The following RGS6 variants were observed in gnomAD, a reference collection of about 807,000 sequenced individuals.
The protein encoded by RGS6 is regulator of G-protein signaling 6.
In RGS6, 30 loss-of-function variants were observed where a neutral mutation model predicts 78.5. That is an observed-to-expected ratio of 0.38 (90% CI 0.29 to 0.52). RGS6 has a LOEUF of 0.52. Among genes scored for constraint, RGS6 ranks in the 20% least tolerant of loss-of-function variants. RGS6 has a pLI of 0.85. For synonymous variants in RGS6, 206 were observed against 206.0 expected (o/e 1.00, Z 0.00); for missense variants, 495 against 609.7 (o/e 0.81, Z 1.98).
At chr14:72,350,148 A>AT (rs2078845279) in intron 2 of RGS6, among the ~76,000 whole-genome samples, 2 of 152,122 alleles carry the variant, frequency 1.3e-5, no homozygotes, top group South Asian at 4.1e-4. Flanking sequence ...TCAGAGAATG[A>AT]TTGTCTTTTC....
At chr14:71,934,763 G>A (rs1197183323) in intron 1 of RGS6, among the ~76,000 whole-genome samples, 1 of 152,076 alleles carries the variant, frequency 6.6e-6, no homozygotes, top group Non-Finnish European at 1.5e-5. Context: ...TTGTCTACAG[G>A]GACATAATTT....
In RGS6 at chr14:71,980,588, C is replaced by T. The variant is rs1399951175; in HGVS notation, c.84+15713C>T. On this transcript the variant is annotated intron_variant, in intron 2 of 17. Transcript: ENST00000553525. ...TTTCTTTAAGAATGTTGAATATTGG[C>T]CCCCACTCTCTTCTGGCTTGTAGGG... Among the ~76,000 whole-genome samples the T allele has an allele frequency of 2.2e-4, 16 of 71,730 alleles. 3 individuals are homozygous for T. Among genetic ancestry groups the T allele is most frequent in the Admixed American group, 1.5e-3 (11 of 7,562 alleles). 47.1% of individuals were successfully genotyped at this position (71,730 alleles called of 152,430 possible).
intron 3 of RGS6, among the ~76,000 whole-genome samples, chr14:72,387,498 G>C (rs564041621): frequency 6.6e-6 from 1 of 151,284 alleles, no homozygotes; most frequent in Non-Finnish European, 1.5e-5. Flanking sequence ...GCAGTGAGCC[G>C]AGATCGCACC....
chr14:71,894,107 G>A, the RGS6 span, among the ~76,000 whole-genome samples: 1 of 152,080 alleles, frequency 6.6e-6, no homozygotes, highest in Non-Finnish European at 1.5e-5. Context: ...TTGATATAGA[G>A]GCATCTGTTT....
At chr14:72,476,708 G>A (rs377242907) in intron 10 of RGS6, 34 bp from the exon 11 acceptor site, 1 of 1,594,684 alleles carries the variant, frequency 6.3e-7, no homozygotes, top group Non-Finnish European at 8.6e-7. Flanking sequence ...AATTCTGTGG[G>A]TGGATGATCC....
rs578179083 is a variant in RGS6, at chr14:72,525,710, A to G, written c.1278+7173A>G. ...CTGTTCATCTTTGCTCCAGTGGTGG[A>G]GGTGGCGGCATTGCGTGCCAGTATC... On this transcript the variant is annotated intron_variant, in intron 15 of 17. Coordinates refer to ENST00000553525, the MANE Select transcript of RGS6 (RefSeq NM_001204424.2). 2.2e-4 allele frequency among the ~76,000 whole-genome samples: 34 copies of G among 152,320 alleles called. No individual in the cohort carries two copies. In the South Asian group the frequency reaches 7.1e-3, roughly 32 times the overall value.
chr14:72,114,442 C>T (rs2095843548), intron 2 of RGS6, among the ~76,000 whole-genome samples: 1 of 152,146 alleles, frequency 6.6e-6, no homozygotes, highest in Non-Finnish European at 1.5e-5. Flanking sequence ...ATTTCTGACC[C>T]TAGGCTGGCT....
intron 14 of RGS6, among the ~76,000 whole-genome samples, chr14:72,513,161 T>C (rs2096899502): frequency 6.6e-6 from 1 of 152,156 alleles, no homozygotes. Flanking sequence ...CTCCCTCTCA[T>C]CTCTCCAGTG....
intron 13 of RGS6, 101 bp downstream of exon 13, chr14:72,495,363 C>G: frequency 1.2e-6 from 1 of 818,226 alleles, no homozygotes; most frequent in Non-Finnish European, 2.1e-6. Flanking sequence ...CATTTTTTAT[C>G]GCTAGAACAG....
the RGS6 span, among the ~76,000 whole-genome samples, chr14:71,914,689 C>T: frequency 6.6e-5 from 10 of 152,052 alleles, no homozygotes; most frequent in Admixed American, 2.0e-4. Flanking sequence ...ATTCCTCCCC[C>T]GACCCCCAAT....
chr14:72,411,879 T>G (rs1448434678), intron 3 of RGS6, among the ~76,000 whole-genome samples: 16 of 152,278 alleles, frequency 1.1e-4, no homozygotes, highest in East Asian at 9.7e-4. Context: ...TTATTGATTT[T>G]CGTATGTTGA....
intron 2 of RGS6, among the ~76,000 whole-genome samples, chr14:72,034,995 C>T (rs956172326): frequency 6.6e-6 from 1 of 152,072 alleles, no homozygotes; most frequent in Non-Finnish European, 1.5e-5. Flanking sequence ...ATAAAATCTC[C>T]CACTGTCCCA....
At chr14:72,026,565 T>C (rs2089901490) in intron 2 of RGS6, among the ~76,000 whole-genome samples, 1 of 152,172 alleles carries the variant, frequency 6.6e-6, no homozygotes, top group South Asian at 2.1e-4. Flanking sequence ...AGTAAACATC[T>C]CTCTGAGTGC....
chr14:71,867,474 G>A, the RGS6 span, among the ~76,000 whole-genome samples: 7 of 152,160 alleles, frequency 4.6e-5, no homozygotes, highest in East Asian at 3.9e-4. Context: ...GTGAGGGGGC[G>A]AAATGGTTTT....
At chr14:72,347,620 A>T (rs571001442) in intron 2 of RGS6, among the ~76,000 whole-genome samples, 168 of 152,354 alleles carry the variant, frequency 1.1e-3, no homozygotes, top group Non-Finnish European at 1.6e-3. Context: ...TAATTTTATA[A>T]GATAAAGCTC....
At chr14:72,197,870 C>A (rs547173067) in intron 2 of RGS6, among the ~76,000 whole-genome samples, 2 of 152,034 alleles carry the variant, frequency 1.3e-5, no homozygotes, top group Non-Finnish European at 2.9e-5. Context: ...CTTTCTGGAT[C>A]CTCCAGGTCC....
At chr14:72,421,173 G>A (rs1255392175) in intron 3 of RGS6, 1 of 151,670 alleles carries the variant, frequency 6.6e-6, no homozygotes, top group Non-Finnish European at 1.5e-5. Context: ...ATGACAGCAA[G>A]CAGCATGGAT....
Position 72,211,920 on chromosome 14 carries a change from C to T in RGS6, c.85-140175C>T, listed in dbSNP as rs1309549395. On this transcript the variant is annotated intron_variant, in intron 2 of 17. Transcript: ENST00000553525. ...TGTGCAATTAAAATTAGAAACTAGA[C>T]ATGGCCAGTAAATTGATTACAAGTT... Among the ~76,000 whole-genome samples the T allele has an allele frequency of 2.0e-5, 3 of 152,154 alleles. No individual in the cohort carries two copies. In the East Asian group the frequency reaches 5.8e-4, roughly 29 times the overall value.
chr14:72,066,732 C>T (rs911266519), intron 2 of RGS6, among the ~76,000 whole-genome samples: 18 of 151,310 alleles, frequency 1.2e-4, no homozygotes, highest in African/African-American at 3.2e-4. Context: ...ATACAGTTTC[C>T]GATACTGAAT....
Sources: gnomAD v4.1 joint callset for allele counts (sites outside exome capture counted in the v4.1 genomes callset) on GRCh38, gnomAD v4.1.1 for gene constraint, MANE v1.5 for transcripts, NCBI Gene and HGNC (gene_info 2026-07-23, HGNC 2026-07-21) for gene names.